The following AGRN variants were observed in gnomAD, a reference collection of about 807,000 sequenced individuals.
AGRN encodes agrin.
AGRN carries 106 observed loss-of-function variants against 211.0 expected under a neutral mutation model. The ratio of observed to expected loss-of-function variants is 0.50; its 90% CI spans 0.43 to 0.59. AGRN has a LOEUF of 0.59. Ranked by LOEUF, AGRN falls within the 20% of genes least tolerant of loss-of-function variation. The pLI is 0.00. For missense variants in AGRN, 3,040 were observed against 2,982.6 expected (o/e 1.02, Z -0.45); for synonymous variants, 1,525 against 1,332.5 (o/e 1.14, Z -3.15).
At chr1:1,044,962 A>G (rs980729035) in intron 12 of AGRN, among the ~76,000 whole-genome samples, 199 bp from the exon 13 acceptor site, 6 of 152,084 alleles carry the variant, frequency 3.9e-5, no homozygotes, top group Non-Finnish European at 7.4e-5. Flanking sequence ...GTGTTCCTGG[A>G]TCTGCATTTA....
At position 1,050,739 on chromosome 1, in the gene AGRN, G is replaced by A. The variant is rs765022174; in HGVS notation, c.5155G>A (p.Val1719Ile). Residue 1719 changes from valine (V) to isoleucine (I), a missense_variant, in exon 30 of 36, where the codon GTC becomes ATC. Physicochemically the swap from Val to Ile is conservative, Grantham distance 29. Transcript: ENST00000379370. ...GAAVIRSREP[V>I]TLGAWTRVSL... ...CCTCCTCACCAGGAGCAGGGAGCCA[G>A]TCACCCTGGGAGCCTGGACCAGGGT... is the stretch of plus-strand genomic sequence containing the variant. 1.2e-6 allele frequency: 2 copies of A among 1,602,944 alleles called. No homozygotes were observed. Among genetic ancestry groups the A allele is most frequent in the East Asian group, 2.2e-5 (1 of 44,586 alleles).
In AGRN at chr1:1,022,472, G is replaced by T. The variant is rs1010933440; in HGVS notation, c.463+10G>T. On this transcript the variant is annotated intron_variant, in intron 2 of 35. Transcript: ENST00000379370. ...GAGTTCTGTGTGGAAGGTGCGTGGT[G>T]GGGGGCTCGTGTGGGGGCCTGTGGG... The T allele has an allele frequency of 5.0e-6, 8 of 1,602,322 alleles. No homozygotes were observed. In the Admixed American group the frequency reaches 1.3e-4, roughly 27 times the overall value.
intron 3 of AGRN, among the ~76,000 whole-genome samples, chr1:1,037,718 G>A (rs1644834368): frequency 6.6e-6 from 1 of 152,202 alleles, no homozygotes; most frequent in Non-Finnish European, 1.5e-5. Context: ...GCATCTATGA[G>A]GGGCCATGTG....
At chr1:1,034,628 G>C (rs868377667) in intron 2 of AGRN, 1 of 986,978 alleles carries the variant, frequency 1.0e-6, no homozygotes, top group Admixed American at 6.0e-5. Context: ...AGGCTTCATG[G>C]TGCCCTGCAA....
Position 1,055,989 on chromosome 1 carries a change from A to G in AGRN, c.*1008A>G, listed in dbSNP as rs1645438868. Reference sequence around the variant, plus strand: ...CCACCCCCATCCCATCCCCACCCCCAGCCCCAGCCCAGTCCTCCTAGGAGC... The same window carrying G: ...CCACCCCCATCCCATCCCCACCCCCGGCCCCAGCCCAGTCCTCCTAGGAGC... On this transcript the variant is annotated 3_prime_UTR_variant, in exon 36 of 36. Transcript: ENST00000379370. 6.6e-6 allele frequency: 1 copy of G among 152,172 alleles called. No homozygotes were observed. Among genetic ancestry groups the G allele is most frequent in the Non-Finnish European group, 1.5e-5 (1 of 68,042 alleles). 9.4% of individuals were successfully genotyped at this position (152,172 alleles called of 1,614,324 possible). A position where few individuals can be genotyped will look rare whatever the true frequency, so the allele number is the denominator to read the frequency against.
In AGRN at chr1:1,047,594, T is replaced by G. The variant is rs1645136358; in HGVS notation, c.3538T>G (p.Ser1180Ala). The change falls in exon 21 of 36, where the codon TCA (serine) becomes GCA (alanine). Residue 1180 changes from serine to alanine, a missense_variant. Ser to Ala is a moderately conservative substitution (Grantham distance 99). Coordinates refer to ENST00000379370, the MANE Select transcript of AGRN (RefSeq NM_198576.4). Reference protein sequence around the residue: ...ESTLDDLFRNSDVKKDFRSVR... With the variant: ...ESTLDDLFRNADVKKDFRSVR... Reference sequence around the variant, plus strand: ...ACAGCTGGACGACCTCTTCCGGAATTCAGACGTCAAGAAGGATTTTCGGAG... The same window carrying G: ...ACAGCTGGACGACCTCTTCCGGAATGCAGACGTCAAGAAGGATTTTCGGAG... The G allele has an allele frequency of 6.2e-7, 1 of 1,612,808 alleles. No individual in the cohort carries two copies. The highest frequency in any genetic ancestry group is 1.7e-5 in the Admixed American group (1 of 60,010).
rs369788908 is a variant in AGRN, at chr1:1,041,709, G to T, written c.1177+7G>T. On this transcript the variant is annotated splice_region_variant and intron_variant, in intron 6 of 35. Transcript: ENST00000379370. ...GGCCAGTGCCAGGGTCGAGGTGAGC[G>T]GCTCCCCCGGGGGAGGGCTCCGGCC... 6.2e-7 allele frequency: 1 copy of T among 1,603,740 alleles called. No homozygotes were observed. Among genetic ancestry groups the T allele is most frequent in the Non-Finnish European group, 8.5e-7 (1 of 1,176,948 alleles).
Position 1,043,829 on chromosome 1 carries a change from G to T in AGRN, c.1805G>T (p.Cys602Phe). 6.2e-7 allele frequency: 1 copy of T among 1,611,112 alleles called. No individual in the cohort carries two copies. Among genetic ancestry groups the T allele is most frequent in the South Asian group, 1.1e-5 (1 of 91,076 alleles). ...HVASAGPCETCGDAVCAFGAV... is the reference protein window; with the variant it reads ...HVASAGPCETFGDAVCAFGAV... ...CTGGCTCTGTCTCCTGCAGAGACCTGTGGAGATGCCGTGTGTGCTTTTGGG... is the reference window on the plus strand; with the variant it reads ...CTGGCTCTGTCTCCTGCAGAGACCTTTGGAGATGCCGTGTGTGCTTTTGGG... The change falls in exon 10 of 36, where the codon TGT (cysteine) becomes TTT (phenylalanine). Residue 602 changes from cysteine to phenylalanine, a missense_variant. Cys to Phe is a radical substitution (Grantham distance 205). Transcript: ENST00000379370.
At chr1:1,022,895 G>T (rs564698728) in intron 2 of AGRN, among the ~76,000 whole-genome samples, 1 of 152,222 alleles carries the variant, frequency 6.6e-6, no homozygotes, top group Admixed American at 6.5e-5. Flanking sequence ...GAGGCTGTGC[G>T]GCGAGGGCTT....
rs1570160323 is a variant in AGRN, at chr1:1,031,249, G to C, written c.464-4028G>C. Among the ~76,000 whole-genome samples the C allele has an allele frequency of 6.6e-6, 1 of 151,748 alleles. No individual in the cohort carries two copies. Among genetic ancestry groups the C allele is most frequent in the East Asian group, 1.9e-4 (1 of 5,176 alleles). Reference sequence around the variant, plus strand: ...TGTGAGTGTATCAGCATGTCTGTGTGTGTGCAGTGCATGGTGCTGAGTGTG... The same window carrying C: ...TGTGAGTGTATCAGCATGTCTGTGTCTGTGCAGTGCATGGTGCTGAGTGTG... On this transcript the variant is annotated intron_variant, in intron 2 of 35. Transcript: ENST00000379370. This position sits in a 1 kb window ranked among gnomAD's most constrained non-coding sequence, Gnocchi z 4.8.
chr1:1,041,438 G>A (rs764855779), intron 5 of AGRN, 40 bp from the exon 6 acceptor site: 3 of 1,554,708 alleles, frequency 1.9e-6, no homozygotes, highest in African/African-American at 1.4e-5. Flanking sequence ...CTCTGTGGGC[G>A]CGCGGCGACA....
In AGRN at chr1:1,054,601, T is replaced by C. The variant is rs114308080; in HGVS notation, c.5980+50T>C. 1,563 of 1,546,576 alleles carry C rather than the reference T, an allele frequency of 1.0e-3. 11 individuals are homozygous for C. In the African/African-American group the frequency reaches 0.018, roughly 18 times the overall value. The stretch of plus-strand genomic sequence containing the variant: ...AGGGATGCCCAAGGGTCTCATGATA[T>C]CCGAGGGACAGACTCCACCCCCCAG... On this transcript the variant is annotated intron_variant, in intron 35 of 35. Coordinates refer to ENST00000379370, the MANE Select transcript of AGRN (RefSeq NM_198576.4).
chr1:1,041,292 A>C lies in AGRN; in HGVS notation c.847A>C (p.Thr283Pro). 6.6e-7 allele frequency: 1 copy of C among 1,514,978 alleles called. No homozygotes were observed. The highest frequency in any genetic ancestry group is 8.8e-7 in the Non-Finnish European group (1 of 1,137,494). The allele number at this position is 1,514,978 out of a possible 1,614,324, so 93.8% of individuals were successfully genotyped here. A position where few individuals can be genotyped will look rare whatever the true frequency, so the allele number is the denominator to read the frequency against. Residue 283 changes from threonine to proline, a missense_variant, in exon 5 of 36, where the codon ACC (threonine) becomes CCC (proline). Physicochemically the swap from Thr to Pro is conservative, Grantham distance 38. This residue lies in a region of AGRN where 1,498 missense variants were observed against 1,457.8 expected (regional missense o/e 1.03). Coordinates refer to ENST00000379370, the MANE Select transcript of AGRN (RefSeq NM_198576.4). The part of the protein sequence containing the change: ...PATCRGAPEG[T>P]VCGSDGADYP... ...GACCTGCCGTGGCGCCCCCGAGGGG[A>C]CCGTCTGCGGCAGCGACGGCGCCGA...
Position 1,054,835 on chromosome 1 carries a change from G to C in AGRN, c.5992G>C (p.Glu1998Gln). ...TGTCTGTGCTGCAGGGGGCCTGCCG[G>C]AGCTGCCCGTGGGCCCAGCACTGCC... ...DGALWLGGLPELPVGPALPKA... is the reference protein window; with the variant it reads ...DGALWLGGLPQLPVGPALPKA... The change falls in exon 36 of 36, where the codon GAG (glutamate) becomes CAG (glutamine). Residue 1998 changes from glutamate (E) to glutamine (Q), a missense_variant. This residue lies in a region of AGRN where 1,537 missense variants were observed against 1,505.0 expected (regional missense o/e 1.02). Transcript: ENST00000379370. 6.4e-7 allele frequency: 1 copy of C among 1,558,852 alleles called. No individual in the cohort carries two copies. The highest frequency in any genetic ancestry group is 1.4e-5 in the African/African-American group (1 of 73,810).
In AGRN at chr1:1,049,947, TGCCATGGG is replaced by T. The variant is rs774832176; in HGVS notation, c.4792_4799del (p.His1598GlyfsTer20). On this transcript the variant is annotated frameshift_variant, in exon 27 of 36. Coordinates refer to ENST00000379370, the MANE Select transcript of AGRN (RefSeq NM_198576.4). LOFTEE classifies it high-confidence loss of function. ...GAAGAGCCCCTGCCAGCCCAACCCC[TGCCATGGG>T]GCGGCGCCCTGCCGTGTGCTGCCCG... 2 of 1,612,082 alleles carry T rather than the reference TGCCATGGG, an allele frequency of 1.2e-6. No individual in the cohort carries two copies. Among genetic ancestry groups the T allele is most frequent in the South Asian group, 2.2e-5 (2 of 91,068 alleles).
In AGRN at chr1:1,040,875, C is replaced by A. The variant is rs1424956091; in HGVS notation, c.722C>A (p.Pro241Gln). ...QRRIRLLSRG[P>Q]CGSRDPCSNV... ...CGCATCCGCCTGCTCAGCCGCGGGC[C>A]GTGCGGTGAGCGGGGCGGGGCCGGT... The change falls in exon 4 of 36, where the codon CCG (proline) becomes CAG (glutamine). Residue 241 changes from proline (P) to glutamine (Q), a missense_variant. By Grantham distance (76) the Pro-to-Gln change is moderately conservative. Around this residue, in one of 3 missense-constraint regions of AGRN, gnomAD observed 1,498 missense variants for 1,457.8 expected, o/e 1.03. Coordinates refer to ENST00000379370, the MANE Select transcript of AGRN (RefSeq NM_198576.4). The A allele has an allele frequency of 8.0e-6, 12 of 1,504,874 alleles. No homozygotes were observed. The highest frequency in any genetic ancestry group is 5.3e-5 in the East Asian group (2 of 38,084). The allele number at this position is 1,504,874 out of a possible 1,614,324, so 93.2% of individuals were successfully genotyped here. A position where few individuals can be genotyped will look rare whatever the true frequency, so the allele number is the denominator to read the frequency against.
chr1:1,051,474 C>G lies in AGRN; in HGVS notation c.5392C>G (p.Leu1798Val). Residue 1798 changes from leucine (L) to valine (V), a missense_variant, in exon 32 of 36, where the codon CTG (leucine) becomes GTG (valine). Around this residue, in one of 3 missense-constraint regions of AGRN, gnomAD observed 1,537 missense variants for 1,505.0 expected, o/e 1.02. Transcript: ENST00000379370. ...GCAGGTCTCCCTCGGAGGCCGCCAG[C>G]TGCTGACCCCGGAGCACGTGCTGCG... ...IQLVSLGGRQ[L>V]LTPEHVLRQV... The G allele has an allele frequency of 6.4e-7, 1 of 1,567,262 alleles. No individual in the cohort carries two copies. The highest frequency in any genetic ancestry group is 2.3e-5 in the East Asian group (1 of 43,474).
At chr1:1,025,626 C>T (rs1403977933) in intron 2 of AGRN, among the ~76,000 whole-genome samples, 6 of 152,262 alleles carry the variant, frequency 3.9e-5, no homozygotes, top group Non-Finnish European at 7.4e-5. Context: ...CTGGTTCCCC[C>T]ACCCCCACCC....
chr1:1,048,892 C>T lies in AGRN; in HGVS notation c.4131C>T (p.Phe1377=), dbSNP rs368555478. The T allele has an allele frequency of 5.1e-4, 788 of 1,545,438 alleles. 2 individuals carry two copies. The African/African-American group carries it at 8.6e-3, about 17-fold the overall frequency. Residue 1377 remains phenylalanine (F), a synonymous_variant, in exon 24 of 36, where the codon TTC becomes TTT. Transcript: ENST00000379370. The surrounding 1 kb of genome is among the most constrained non-coding windows in gnomAD (Gnocchi z 5.9). The part of the protein sequence containing the change: ...EKVLGAPVPA[F]EGRSFLAFPT... ...TGCTTGGCGCCCCTGTGCCGGCCTT[C>T]GAGGGCCGCTCCTTCCTGGCCTTCC...
Sources: allele counts gnomAD v4.1 joint callset (sites outside exome capture counted in the v4.1 genomes callset), GRCh38; gene constraint gnomAD v4.1.1; regional missense constraint gnomAD v4.1.1; non-coding constraint Gnocchi (gnomAD v3.1); transcripts MANE v1.5; gene names NCBI Gene and HGNC (gene_info 2026-07-23, HGNC 2026-07-21).